Variants in STOML1 observed in about 807,000 individuals in gnomAD.
STOML1 encodes the protein stomatin like 1, also known as stomatin-like protein 1.
Under a neutral mutation model 35.7 loss-of-function variants are expected in STOML1, and 27 were observed. The observed-to-expected ratio is 0.76, with a 90% CI of 0.56 to 1.04. STOML1 has a LOEUF of 1.04. Among genes scored for constraint, STOML1 ranks in the 50% least tolerant of loss-of-function variants. The pLI is 0.00. For synonymous variants in STOML1, 219 were observed against 227.9 expected, an observed-to-expected ratio of 0.96 and a Z score of 0.35; for missense variants, 451 against 527.1, an observed-to-expected ratio of 0.86 and a Z score of 1.41.
In STOML1 at chr15:73,984,872, C is replaced by A; in HGVS notation, c.791-1G>T. 6.2e-7 allele frequency: 1 copy of A among 1,613,886 alleles called. No individual in the cohort carries two copies. The highest frequency in any genetic ancestry group is 8.5e-7 in the Non-Finnish European group (1 of 1,180,016). On this transcript the variant is annotated splice_acceptor_variant, in intron 5 of 6. Transcript: ENST00000541638. LOFTEE classifies it high-confidence loss of function. ...TCACTCACCATCTCCACGGTGTCTGCTGGGGGTGGCCAACAGGGTTGGGGA... is the reference window on the plus strand; with the variant it reads ...TCACTCACCATCTCCACGGTGTCTGATGGGGGTGGCCAACAGGGTTGGGGA...
Position 73,984,111 on chromosome 15 carries a change from G to A in STOML1, c.1023C>T (p.His341=), listed in dbSNP as rs749229006. Residue 341 remains histidine, a synonymous_variant, in exon 7 of 7, where the codon CAC becomes CAT. Transcript: ENST00000541638. ...DLTTGRGRVG[H]GVPDGIPDVV... ...CATCAGGGATGCCATCAGGCACCCC[G>A]TGTCCCACTCTTCCTCGTCCTGTGG... 13 of 1,613,078 alleles carry A rather than the reference G, an allele frequency of 8.1e-6. No homozygotes were observed. The highest frequency in any genetic ancestry group is 4.4e-5 in the South Asian group (4 of 91,062).
chr15:73,990,924 C>T, intron 1 of STOML1: 1 of 1,517,992 alleles, frequency 6.6e-7, no homozygotes, highest in Non-Finnish European at 8.8e-7. Context: ...TCCAGGAGTC[C>T]TTATGAAGAT....
Position 73,979,081 on chromosome 15 carries a change from T to C in STOML1, c.*4856A>G, listed in dbSNP as rs530689474. On this transcript the variant is annotated 3_prime_UTR_variant, in exon 7 of 7. Coordinates refer to ENST00000541638, the MANE Select transcript of STOML1 (RefSeq NM_004809.5). ...ATACACAGAATAACATGTATTACTC[T>C]CAAAACCATTACAGTGAGGGGGAAA... is the stretch of plus-strand genomic sequence containing the variant. 2.0e-5 allele frequency: 3 copies of C among 152,306 alleles called. No homozygotes were observed. Among genetic ancestry groups the C allele is most frequent in the African/African-American group, 7.2e-5 (3 of 41,566 alleles). The allele number at this position is 152,306 out of a possible 1,614,324, so 9.4% of individuals were successfully genotyped here.
In STOML1 at chr15:73,992,099, G is replaced by C; in HGVS notation, c.125C>G (p.Thr42Arg). The stretch of plus-strand genomic sequence containing the variant: ...GCCAGGCGGCCACTCACCGGCCCCT[G>C]TCCCCACGCCGCCCCGCTCCGGGGA... ...CLSPERGGVG[T>R]GADVPQSWPS... The change falls in exon 1 of 7, where the codon ACA becomes AGA. Residue 42 changes from threonine (T) to arginine (R), a missense_variant. Physicochemically the swap from Thr to Arg is moderately conservative, Grantham distance 71. Coordinates refer to ENST00000541638, the MANE Select transcript of STOML1 (RefSeq NM_004809.5). 6.3e-7 allele frequency: 1 copy of C among 1,593,504 alleles called. No homozygotes were observed.
chr15:73,993,735 CG>C (rs1372283869), upstream of STOML1, among the ~76,000 whole-genome samples: 1 of 152,206 alleles, frequency 6.6e-6, no homozygotes, highest in African/African-American at 2.4e-5. Flanking sequence ...AGTTTGAAGC[CG>C]GGGCGCTGAC....
At chr15:73,991,079 C>G in intron 1 of STOML1, 2 of 1,233,340 alleles carry the variant, frequency 1.6e-6, no homozygotes, top group Non-Finnish European at 2.1e-6. Flanking sequence ...GATGGCGCCA[C>G]TGCACTCCAG....
At chr15:73,992,896 A>AT (rs2069330752), upstream of STOML1, among the ~76,000 whole-genome samples, 1 of 152,182 alleles carries the variant, frequency 6.6e-6, no homozygotes, top group African/African-American at 2.4e-5. Flanking sequence ...GAGGCAGGAC[A>AT]TGCCATATCT....
Position 73,992,191 on chromosome 15 carries a change from G to C in STOML1, c.33C>G (p.Pro11=). Residue 11 remains proline (P), a synonymous_variant, in exon 1 of 7, where the codon CCC becomes CCG. Transcript: ENST00000541638. ...GCTGGAAGCGGTCAAAATCACCCAG[G>C]GGCAGCGCCCGGTACCCAGACCTGC... MLGRSGYRAL[P]LGDFDRFQQS... 1 of 1,607,160 alleles carries C rather than the reference G, an allele frequency of 6.2e-7. No individual in the cohort carries two copies. Among genetic ancestry groups the C allele is most frequent in the Non-Finnish European group, 8.5e-7 (1 of 1,177,662 alleles).
intron 5 of STOML1, 85 bp downstream of exon 5, chr15:73,985,233 G>A (rs2069052853): frequency 7.1e-7 from 1 of 1,411,360 alleles, no homozygotes; most frequent in Non-Finnish European, 9.4e-7. Context: ...GGTGTGTACT[G>A]CACAGAGCTG....
rs2068983321 is a variant in STOML1 at position 73,983,213 on chromosome 15, C to T, written c.*724G>A. Reference sequence around the variant, plus strand: ...CCAGGAGCCCCGCTTGGCTTCTTCTCTTTTATACATTGTAAACACCACATT... The same window carrying T: ...CCAGGAGCCCCGCTTGGCTTCTTCTTTTTTATACATTGTAAACACCACATT... On this transcript the variant is annotated 3_prime_UTR_variant, in exon 7 of 7. Transcript: ENST00000541638. 6.6e-6 allele frequency: 1 copy of T among 152,300 alleles called. No individual in the cohort carries two copies. The highest frequency in any genetic ancestry group is 1.5e-5 in the Non-Finnish European group (1 of 68,100). The allele number at this position is 152,300 out of a possible 1,614,324, so 9.4% of individuals were successfully genotyped here.
In STOML1 at chr15:73,989,239, G is replaced by T. The variant is rs781478335; in HGVS notation, c.259C>A (p.Arg87=). 16 of 1,601,986 alleles carry T rather than the reference G, an allele frequency of 1.0e-5. No homozygotes were observed. Among genetic ancestry groups the T allele is most frequent in the Non-Finnish European group, 1.4e-5 (16 of 1,173,074 alleles). The part of the protein sequence containing the change: ...FALKIVPTYE[R]MIVFRLGRIR... Reference sequence around the variant, plus strand: ...CGGCCCAGGCGGAACACAATCATCCGCTCGTAGGTGGGCACAATCTGTCCA... The same window carrying T: ...CGGCCCAGGCGGAACACAATCATCCTCTCGTAGGTGGGCACAATCTGTCCA... The change falls in exon 3 of 7, where the codon CGG becomes AGG. Residue 87 remains arginine (R), a synonymous_variant. Transcript: ENST00000541638.
chr15:73,989,734 A>C (rs2069207291), intron 2 of STOML1, among the ~76,000 whole-genome samples: 1 of 152,208 alleles, frequency 6.6e-6, no homozygotes, highest in Non-Finnish European at 1.5e-5. Flanking sequence ...GAGGCAAAGA[A>C]ACCTGTTCAA....
chr15:73,984,776 T>A lies in STOML1; in HGVS notation c.886A>T (p.Thr296Ser). The A allele has an allele frequency of 1.2e-6, 2 of 1,614,060 alleles. No homozygotes were observed. Among genetic ancestry groups the A allele is most frequent in the Non-Finnish European group, 1.7e-6 (2 of 1,180,026 alleles). ...PKQPLAEGLL[T>S]ALQPFLSEAL... is the part of the protein sequence containing the mutation. Reference sequence around the variant, plus strand: ...TCAGACAGGAAGGGCTGTAGAGCAGTCAGTAGCCCCTCCGCCAGAGGCTGC... The same window carrying A: ...TCAGACAGGAAGGGCTGTAGAGCAGACAGTAGCCCCTCCGCCAGAGGCTGC... The change falls in exon 6 of 7, where the codon ACT becomes TCT. Residue 296 changes from threonine (T) to serine (S), a missense_variant. Coordinates refer to ENST00000541638, the MANE Select transcript of STOML1 (RefSeq NM_004809.5).
upstream of STOML1, chr15:73,994,573 A>C: frequency 1.7e-6 from 1 of 590,508 alleles, no homozygotes. Context: ...GTAGGTCTGC[A>C]GCTCTCCGCC....
intron 1 of STOML1, chr15:73,991,754 A>G (rs1331995315): frequency 5.6e-6 from 3 of 534,080 alleles, no homozygotes; most frequent in South Asian, 1.5e-5. Context: ...TCCTCTGCCT[A>G]GACCTCGGTT....
At chr15:73,985,232 T>C (rs1216072554) in intron 5 of STOML1, 86 bp downstream of exon 5, 5 of 1,406,282 alleles carry the variant, frequency 3.6e-6, no homozygotes, top group South Asian at 1.5e-5. Flanking sequence ...GGGTGTGTAC[T>C]GCACAGAGCT....
rs1301616315 is a variant in STOML1, at chr15:73,991,035, C to T, written c.134-578G>A. 2.2e-6 allele frequency: 3 copies of T among 1,367,284 alleles called. No individual in the cohort carries two copies. In the African/African-American group the frequency reaches 4.4e-5, roughly 20 times the overall value. 84.7% of individuals were successfully genotyped at this position (1,367,284 alleles called of 1,614,324 possible). On this transcript the variant is annotated intron_variant, in intron 1 of 6. Transcript: ENST00000541638. ...TTCTATTCCACACCCAACTTTAATG[C>T]CTTAATGACCATTAAAAAATGCCTA... is the stretch of plus-strand genomic sequence containing the variant.
chr15:73,993,685 A>G (rs568695714), upstream of STOML1, among the ~76,000 whole-genome samples: 2 of 152,232 alleles, frequency 1.3e-5, no homozygotes, highest in East Asian at 3.9e-4. Flanking sequence ...AGAGTACGGA[A>G]TGGGTACACA....
At chr15:73,992,002 G>A in intron 1 of STOML1, 89 bp downstream of exon 1, 1 of 1,455,044 alleles carries the variant, frequency 6.9e-7, no homozygotes, top group Middle Eastern at 2.5e-4. Flanking sequence ...CGACGGCACC[G>A]GGCCGGCCGA....
Sources: gnomAD v4.1 joint callset for allele counts (sites outside exome capture counted in the v4.1 genomes callset) on GRCh38, gnomAD v4.1.1 for gene constraint, MANE v1.5 for transcripts, NCBI Gene and HGNC (gene_info 2026-07-23, HGNC 2026-07-21) for gene names.